The following TLCD4 variants were observed in gnomAD, a reference collection of about 807,000 sequenced individuals.
TLCD4 encodes the protein TLC domain containing 4, also known as TLC domain-containing protein 4.
In TLCD4, 7 loss-of-function variants were observed where a neutral mutation model predicts 24.2. The ratio of observed to expected loss-of-function variants is 0.29; its 90% CI spans 0.16 to 0.54. The LOEUF is 0.54. Among genes scored for constraint, TLCD4 ranks in the 20% least tolerant of loss-of-function variants. The pLI is 0.95. For synonymous variants in TLCD4, 103 were observed against 106.4 expected (o/e 0.97, Z 0.20); for missense variants, 259 against 313.9 (o/e 0.82, Z 1.32).
chr1:95,146,502 TG>T (rs1308740898), intron 2 of TLCD4, among the ~76,000 whole-genome samples: 4 of 152,084 alleles, frequency 2.6e-5, no homozygotes, highest in Admixed American at 2.6e-4. Flanking sequence ...TTCCTTAGAG[TG>T]CTATCCCTTT....
chr1:95,154,747 C>G (rs1407706829), intron 5 of TLCD4, among the ~76,000 whole-genome samples: 1 of 151,706 alleles, frequency 6.6e-6, no homozygotes, highest in African/African-American at 2.4e-5. Context: ...TACAATTAAG[C>G]AAATAATTAT....
chr1:95,186,498 G>C (rs567690024), intron 6 of TLCD4, among the ~76,000 whole-genome samples: 13 of 152,208 alleles, frequency 8.5e-5, no homozygotes, highest in Non-Finnish European at 1.6e-4. Context: ...GATAGAGAGA[G>C]ATTTGAGGAT....
chr1:95,135,824 A>C (rs1677026787), intron 1 of TLCD4, among the ~76,000 whole-genome samples: 1 of 152,006 alleles, frequency 6.6e-6, no homozygotes, highest in South Asian at 2.1e-4. Flanking sequence ...GGCTCAAGTG[A>C]TTCTCCCACC....
the TLCD4 span, among the ~76,000 whole-genome samples, chr1:95,094,387 G>A: frequency 1.3e-5 from 2 of 151,270 alleles, no homozygotes; most frequent in Admixed American, 1.3e-4. Flanking sequence ...CTCCTACCTT[G>A]GCCTCCCAAG....
chr1:95,191,987 CA>C lies in TLCD4; in HGVS notation c.*120del. 1 of 1,452,862 alleles carries C rather than the reference CA, an allele frequency of 6.9e-7. No individual in the cohort carries two copies. Among genetic ancestry groups the C allele is most frequent in the Non-Finnish European group, 9.0e-7 (1 of 1,110,552 alleles). The allele number at this position is 1,452,862 out of a possible 1,614,324, so 90.0% of individuals were successfully genotyped here. On this transcript the variant is annotated 3_prime_UTR_variant, in exon 7 of 7. Coordinates refer to ENST00000370203, the MANE Select transcript of TLCD4 (RefSeq NM_152487.3). ...TAATTGTTATTCAGGATTTCAGTGT[CA>C]TTTTTTTTAAACCTTAGAAAAGAGA...
the TLCD4 span, among the ~76,000 whole-genome samples, chr1:95,097,265 A>T: frequency 1.3e-5 from 2 of 152,226 alleles, no homozygotes; most frequent in African/African-American, 4.8e-5. Context: ...TATACAATAG[A>T]TTATTGTAAA....
chr1:95,191,888 A>T lies in TLCD4; in HGVS notation c.*20A>T. Reference sequence around the variant, plus strand: ...GATTAAAAGAGTGCTACCGATAAGCAAACTTCATTACTACCCAGCATATCT... The same window carrying T: ...GATTAAAAGAGTGCTACCGATAAGCTAACTTCATTACTACCCAGCATATCT... On this transcript the variant is annotated 3_prime_UTR_variant, in exon 7 of 7. Coordinates refer to ENST00000370203, the MANE Select transcript of TLCD4 (RefSeq NM_152487.3). The T allele has an allele frequency of 6.2e-7, 1 of 1,602,148 alleles. No individual in the cohort carries two copies. Among genetic ancestry groups the T allele is most frequent in the South Asian group, 1.1e-5 (1 of 88,456 alleles).
chr1:95,159,336 G>C (rs1039613851), intron 5 of TLCD4, among the ~76,000 whole-genome samples: 3 of 152,074 alleles, frequency 2.0e-5, no homozygotes, highest in African/African-American at 4.8e-5. Flanking sequence ...ATATCCTTTG[G>C]CCACTTTTTG....
At chr1:95,145,434 C>T (rs1432482621) in intron 2 of TLCD4, among the ~76,000 whole-genome samples, 2 of 151,764 alleles carry the variant, frequency 1.3e-5, no homozygotes, top group Non-Finnish European at 2.9e-5. Context: ...AGTGATGTAT[C>T]GGGTTCATAC....
the TLCD4 span, among the ~76,000 whole-genome samples, chr1:95,094,132 G>T: frequency 1.3e-5 from 2 of 152,112 alleles, no homozygotes; most frequent in African/African-American, 4.8e-5. Flanking sequence ...CTTGGGCTAA[G>T]CACCTCCCTT....
At chr1:95,104,663 C>CAAAAAAAA in the TLCD4 span, among the ~76,000 whole-genome samples, 28 of 40,606 alleles carry the variant, frequency 6.9e-4, 4 homozygotes, top group Non-Finnish European at 1.0e-3. Context: ...GACTCCGTCT[C>CAAAAAAAA]AAAAAAAAAA....
intron 6 of TLCD4, among the ~76,000 whole-genome samples, chr1:95,178,154 C>A (rs2101001778): frequency 6.6e-6 from 1 of 151,916 alleles, no homozygotes; most frequent in East Asian, 1.9e-4. Flanking sequence ...ACAGTGTTGC[C>A]CAGGCTGGTC....
At chr1:95,155,021 A>G (rs184879182) in intron 5 of TLCD4, among the ~76,000 whole-genome samples, 80 of 151,788 alleles carry the variant, frequency 5.3e-4, no homozygotes, top group Non-Finnish European at 1.0e-3. Flanking sequence ...AGTGTAGTGC[A>G]GTGCAGTGCA....
intron 2 of TLCD4, among the ~76,000 whole-genome samples, chr1:95,146,875 A>G (rs1281793639): frequency 6.6e-6 from 1 of 152,140 alleles, no homozygotes; most frequent in African/African-American, 2.4e-5. Flanking sequence ...CTCAAAAGAG[A>G]AGTGAATCTG....
At chr1:95,181,473 G>C (rs889546880) in intron 6 of TLCD4, among the ~76,000 whole-genome samples, 2 of 152,088 alleles carry the variant, frequency 1.3e-5, no homozygotes, top group African/African-American at 4.8e-5. Flanking sequence ...GTTTCTTAAA[G>C]GGTAAGTAAA....
At chr1:95,133,912 G>A (rs1331042809) in intron 1 of TLCD4, among the ~76,000 whole-genome samples, 1 of 151,750 alleles carries the variant, frequency 6.6e-6, no homozygotes, top group Non-Finnish European at 1.5e-5. Flanking sequence ...AGGGAATTTG[G>A]GTGTTAGAGT....
the TLCD4 span, among the ~76,000 whole-genome samples, chr1:95,109,081 A>G: frequency 1.3e-5 from 2 of 152,160 alleles, no homozygotes; most frequent in Non-Finnish European, 2.9e-5. Flanking sequence ...TAATCCCAGG[A>G]CTTTGAGAGG....
chr1:95,115,623 T>A (rs545832422), upstream of TLCD4, among the ~76,000 whole-genome samples: 29 of 152,322 alleles, frequency 1.9e-4, no homozygotes, highest in South Asian at 5.0e-3. Flanking sequence ...AATCTTGCAG[T>A]TTTCATGAGG....
At chr1:95,137,508 T>A (rs1332063910) in intron 1 of TLCD4, among the ~76,000 whole-genome samples, 1 of 152,058 alleles carries the variant, frequency 6.6e-6, no homozygotes, top group Non-Finnish European at 1.5e-5. Context: ...CTCTAAGGAA[T>A]CCCTGTATTT....
Sources: gnomAD v4.1 joint callset for allele counts (sites outside exome capture counted in the v4.1 genomes callset) on GRCh38, gnomAD v4.1.1 for gene constraint, MANE v1.5 for transcripts, NCBI Gene and HGNC (gene_info 2026-07-23, HGNC 2026-07-21) for gene names.